The following VPS13D variants were observed in gnomAD, a reference collection of about 807,000 sequenced individuals.
The protein encoded by VPS13D is intermembrane lipid transfer protein VPS13D.
Under a neutral mutation model 461.9 loss-of-function variants are expected in VPS13D, and 187 were observed. The observed-to-expected ratio is 0.40, with a 90% CI of 0.36 to 0.46. The LOEUF (loss-of-function observed/expected upper bound fraction) is 0.46, where lower values mean the gene tolerates loss of function less well. Among genes scored for constraint, VPS13D ranks in the 20% least tolerant of loss-of-function variants. VPS13D has a pLI of 0.60. For synonymous variants in VPS13D, 1,951 were observed against 1,986.3 expected, an observed-to-expected ratio of 0.98 and a Z score of 0.47; for missense variants, 4,711 against 5,364.9, an observed-to-expected ratio of 0.88 and a Z score of 3.81.
At chr1:12,354,407 G>A (rs1643868424) in intron 47 of VPS13D, among the ~76,000 whole-genome samples, 186 bp downstream of exon 47, 1 of 152,106 alleles carries the variant, frequency 6.6e-6, no homozygotes. Flanking sequence ...GGCAGTACAT[G>A]CCTGTAGTCC....
intron 10 of VPS13D, among the ~76,000 whole-genome samples, chr1:12,258,484 TA>T (rs1640990834): frequency 6.6e-6 from 1 of 152,260 alleles, no homozygotes; most frequent in Non-Finnish European, 1.5e-5. Context: ...ACGTTTTCTA[TA>T]ATCCCAGTGG....
At position 12,512,046 on chromosome 1, in the gene VPS13D, A is replaced by G. The variant is rs1646189513; in HGVS notation, c.*3022A>G. On this transcript the variant is annotated 3_prime_UTR_variant, in exon 70 of 70. Coordinates refer to ENST00000620676, the MANE Select transcript of VPS13D (RefSeq NM_015378.4). ...AATAAAATGCCTTGTGGACTTCCCAAACTTGTTCTTTTGTTTTCTTCTGGT... is the reference window on the plus strand; with the variant it reads ...AATAAAATGCCTTGTGGACTTCCCAGACTTGTTCTTTTGTTTTCTTCTGGT... 6.6e-6 allele frequency: 1 copy of G among 152,148 alleles called. No individual in the cohort carries two copies. Among genetic ancestry groups the G allele is most frequent in the Non-Finnish European group, 1.5e-5 (1 of 68,044 alleles). The allele number at this position is 152,148 out of a possible 1,614,324, so 9.4% of individuals were successfully genotyped here. A position where few individuals can be genotyped will look rare whatever the true frequency, so the allele number is the denominator to read the frequency against.
chr1:12,274,917 C>G (rs1641562138), intron 18 of VPS13D, among the ~76,000 whole-genome samples: 1 of 151,922 alleles, frequency 6.6e-6, no homozygotes. Context: ...AACCCTGTCT[C>G]TATTAAAATA....
At chr1:12,491,842 C>T (rs1041468345) in intron 67 of VPS13D, among the ~76,000 whole-genome samples, 10 of 152,356 alleles carry the variant, frequency 6.6e-5, no homozygotes, top group African/African-American at 1.9e-4. Flanking sequence ...TCTTTCTATA[C>T]ACTGTGAAAT....
chr1:12,344,726 C>T (rs1643639722), intron 42 of VPS13D: 2 of 152,266 alleles, frequency 1.3e-5, no homozygotes, highest in Admixed American at 6.5e-5. Context: ...TTGCCTCCCT[C>T]CCCGCTTCCT....
At chr1:12,251,706 ACTT>A in intron 6 of VPS13D, among the ~76,000 whole-genome samples, 1 of 152,140 alleles carries the variant, frequency 6.6e-6, no homozygotes, top group South Asian at 2.1e-4. Flanking sequence ...CTGTCACCAG[ACTT>A]CTTTTTCTGA....
At chr1:12,260,858 TGTGCTTGTGCTCCTG>T in intron 11 of VPS13D, 64 bp downstream of exon 11, 1 of 1,610,524 alleles carries the variant, frequency 6.2e-7, no homozygotes, top group South Asian at 1.1e-5. Flanking sequence ...ACAGTTTTGA[TGTGCTTGTGCTCCTG>T]TGGGGAAACA....
intron 63 of VPS13D, among the ~76,000 whole-genome samples, chr1:12,410,665 A>G (rs1293398715): frequency 6.6e-6 from 1 of 152,220 alleles, no homozygotes; most frequent in East Asian, 1.9e-4. Flanking sequence ...TAAAAAAATT[A>G]TCAAATAATA....
intron 24 of VPS13D, among the ~76,000 whole-genome samples, chr1:12,298,444 A>C (rs1009714776): frequency 6.6e-6 from 1 of 152,130 alleles, no homozygotes; most frequent in African/African-American, 2.4e-5. Context: ...GTTTGAGACC[A>C]GTCTGGCCAA....
At chr1:12,302,108 A>G (rs1160987245) in intron 25 of VPS13D, among the ~76,000 whole-genome samples, 1 of 152,216 alleles carries the variant, frequency 6.6e-6, no homozygotes, top group Non-Finnish European at 1.5e-5. Flanking sequence ...CAGTTGTAAC[A>G]CCATGGTTAA....
At chr1:12,442,760 G>C (rs1009643651) in intron 65 of VPS13D, among the ~76,000 whole-genome samples, 5 of 151,980 alleles carry the variant, frequency 3.3e-5, no homozygotes, top group Admixed American at 6.6e-5. Context: ...ACCACGCCCA[G>C]CTAATTTTTA....
At chr1:12,324,678 T>G (rs557400831) in intron 35 of VPS13D, among the ~76,000 whole-genome samples, 26 of 152,356 alleles carry the variant, frequency 1.7e-4, no homozygotes, top group African/African-American at 5.0e-4. Flanking sequence ...AATGACTATA[T>G]GCAAAGCACT....
intron 34 of VPS13D, 73 bp downstream of exon 34, chr1:12,322,819 T>G (rs1643075665): frequency 2.2e-6 from 3 of 1,335,904 alleles, no homozygotes; most frequent in Non-Finnish European, 3.1e-6. Flanking sequence ...AAAATTTTCT[T>G]TTGCACAACT....
At chr1:12,494,808 T>G (rs1331573892) in intron 67 of VPS13D, among the ~76,000 whole-genome samples, 1 of 152,242 alleles carries the variant, frequency 6.6e-6, no homozygotes, top group African/African-American at 2.4e-5. Context: ...AGCTGCTTCA[T>G]ATTTTGCCTC....
At chr1:12,238,465 C>T (rs1487594281) in intron 2 of VPS13D, among the ~76,000 whole-genome samples, 1 of 151,408 alleles carries the variant, frequency 6.6e-6, no homozygotes, top group African/African-American at 2.4e-5. Flanking sequence ...AATAAAATTA[C>T]AAAAAAATTT....
chr1:12,440,357 C>T (rs917752211), intron 65 of VPS13D, among the ~76,000 whole-genome samples: 3 of 151,994 alleles, frequency 2.0e-5, no homozygotes, highest in Non-Finnish European at 2.9e-5. Context: ...AAAGATATGG[C>T]TGTAGAGGGA....
chr1:12,260,658 T>A, intron 10 of VPS13D, 35 bp from the exon 11 acceptor site: 1 of 1,592,630 alleles, frequency 6.3e-7, no homozygotes, highest in Non-Finnish European at 8.6e-7. Flanking sequence ...AACGTTTGTG[T>A]TTTTGTTTAT....
chr1:12,342,939 G>A lies in VPS13D; in HGVS notation c.8773G>A (p.Glu2925Lys). The stretch of plus-strand genomic sequence containing the variant: ...CAGTGGGAGTCCAGGGGTAGTTCCA[G>A]AAGGGAACGGAACATTTCTCGATGA... ...SHSGSPGVVP[E>K]GNGTFLDDTH... Residue 2925 changes from glutamate (E) to lysine (K), a missense_variant, in exon 42 of 70, where the codon GAA becomes AAA. By Grantham distance (56) the Glu-to-Lys change is moderately conservative. This residue lies in a region of VPS13D where 4,411 missense variants were observed against 4,937.8 expected (regional missense o/e 0.89). Transcript: ENST00000620676. 6.2e-7 allele frequency: 1 copy of A among 1,613,738 alleles called. No individual in the cohort carries two copies. The highest frequency in any genetic ancestry group is 1.7e-4 in the Middle Eastern group (1 of 6,060).
chr1:12,469,295 A>T (rs1645533199), intron 67 of VPS13D, among the ~76,000 whole-genome samples: 1 of 152,226 alleles, frequency 6.6e-6, no homozygotes, highest in South Asian at 2.1e-4. Context: ...ATGAATTTAT[A>T]GATATAACAA....
Sources: allele counts gnomAD v4.1 joint callset (sites outside exome capture counted in the v4.1 genomes callset), GRCh38; gene constraint gnomAD v4.1.1; regional missense constraint gnomAD v4.1.1; transcripts MANE v1.5; gene names NCBI Gene and HGNC (gene_info 2026-07-23, HGNC 2026-07-21).